DTD1: variants seen among roughly 807,000 people sequenced by gnomAD.
DTD1 encodes D-aminoacyl-tRNA deacylase 1.
A neutral mutation model predicts 25.6 loss-of-function variants in DTD1; 13 were observed. The observed-to-expected ratio is 0.51, with a 90% CI of 0.33 to 0.81. DTD1 has a LOEUF of 0.81. DTD1 is among the 30% of genes least tolerant of loss of function. DTD1 has a pLI of 0.02. For missense variants in DTD1, 193 were observed against 266.4 expected, an observed-to-expected ratio of 0.72 and a Z score of 1.92; for synonymous variants, 110 against 103.6, an observed-to-expected ratio of 1.06 and a Z score of -0.37.
intron 3 of DTD1, among the ~76,000 whole-genome samples, chr20:18,627,675 G>A (rs6081257): frequency 0.037 from 5,666 of 152,176 alleles, 168 homozygotes; most frequent in Middle Eastern, 0.099. Context: ...TTTGGATCAC[G>A]CTGATCTAGG....
chr20:18,757,793 G>C lies in DTD1; in HGVS notation c.*20-5567G>C, dbSNP rs569608521. 3.2e-3 allele frequency among the ~76,000 whole-genome samples: 495 copies of C among 152,310 alleles called. 3 individuals carry two copies. Among genetic ancestry groups the C allele is most frequent in the African/African-American group, 0.011 (477 of 41,540 alleles). On this transcript the variant is annotated intron_variant, in intron 5 of 5. Transcript: ENST00000377452. ...GGATGATGCTGGCCTCATAAAATGA[G>C]TTAGGGAGGATTCCCTCTTTTTCTA...
chr20:18,699,482 G>A (rs186672067), intron 4 of DTD1, among the ~76,000 whole-genome samples: 79 of 152,324 alleles, frequency 5.2e-4, no homozygotes, highest in Non-Finnish European at 9.1e-4. Context: ...GATGCCAGCA[G>A]GACAGTCATG....
intron 3 of DTD1, among the ~76,000 whole-genome samples, chr20:18,605,010 T>C (rs2122263037): frequency 2.5e-5 from 1 of 40,386 alleles, no homozygotes; most frequent in Non-Finnish European, 7.1e-5. Context: ...ATGACATGAT[T>C]GTATATCTAG....
intron 4 of DTD1, among the ~76,000 whole-genome samples, chr20:18,651,327 T>C (rs2060873140): frequency 6.6e-6 from 1 of 152,156 alleles, no homozygotes; most frequent in Non-Finnish European, 1.5e-5. Context: ...AATTTTTGTA[T>C]TTTTAGTAGA....
intron 4 of DTD1, among the ~76,000 whole-genome samples, chr20:18,713,847 C>T (rs940240251): frequency 1.3e-5 from 2 of 152,182 alleles, no homozygotes; most frequent in Non-Finnish European, 2.9e-5. Flanking sequence ...TCATTTTGCT[C>T]TCCTGTTGTG....
chr20:18,739,746 T>TA (rs11480174), intron 4 of DTD1, among the ~76,000 whole-genome samples: 48,585 of 150,510 alleles, frequency 0.32, 8,412 homozygotes, highest in South Asian at 0.44. Context: ...TTTGTTTCCT[T>TA]AAAAAAAAAA....
At chr20:18,591,576 C>A (rs2060589779) in intron 1 of DTD1, among the ~76,000 whole-genome samples, 1 of 151,936 alleles carries the variant, frequency 6.6e-6, no homozygotes, top group Non-Finnish European at 1.5e-5. Context: ...TGAATAGATA[C>A]AATATTAAAA....
intron 4 of DTD1, among the ~76,000 whole-genome samples, chr20:18,717,121 A>G (rs1204839984): frequency 1.3e-5 from 2 of 152,356 alleles, no homozygotes; most frequent in African/African-American, 4.8e-5. Context: ...TGCATTAAAC[A>G]CAGTGAAAAA....
chr20:18,755,587 A>C (rs1001100863), intron 5 of DTD1, among the ~76,000 whole-genome samples: 1 of 152,234 alleles, frequency 6.6e-6, no homozygotes, highest in Non-Finnish European at 1.5e-5. Context: ...GTGTCCCTAC[A>C]AAGGACATGA....
chr20:18,605,862 C>T (rs1403211215), intron 3 of DTD1, among the ~76,000 whole-genome samples: 1 of 149,830 alleles, frequency 6.7e-6, no homozygotes, highest in Admixed American at 6.7e-5. Context: ...AGGACATAGG[C>T]ATGGACAAGG....
chr20:18,628,795 A>G (rs575839519), intron 4 of DTD1, among the ~76,000 whole-genome samples: 2 of 152,320 alleles, frequency 1.3e-5, no homozygotes, highest in East Asian at 3.9e-4. Flanking sequence ...GCATACTTGT[A>G]AAGGCTTAAT....
At chr20:18,647,477 A>G (rs2060854615) in intron 4 of DTD1, among the ~76,000 whole-genome samples, 1 of 152,212 alleles carries the variant, frequency 6.6e-6, no homozygotes, top group Non-Finnish European at 1.5e-5. Context: ...CCCTGAGCAC[A>G]GAACAGATGT....
At chr20:18,718,867 G>A (rs2061192025) in intron 4 of DTD1, among the ~76,000 whole-genome samples, 1 of 152,174 alleles carries the variant, frequency 6.6e-6, no homozygotes, top group African/African-American at 2.4e-5. Flanking sequence ...CAGGGGAGTG[G>A]TAGCTCTGTC....
chr20:18,631,540 C>T, intron 4 of DTD1: 1 of 985,474 alleles, frequency 1.0e-6, no homozygotes, highest in South Asian at 4.7e-5. Context: ...TCCATTTCCT[C>T]CCTTCTGCTC....
intron 4 of DTD1, among the ~76,000 whole-genome samples, chr20:18,655,968 A>C (rs561864383): frequency 6.6e-6 from 1 of 152,072 alleles, no homozygotes; most frequent in African/African-American, 2.4e-5. Flanking sequence ...ACGGGGTTTC[A>C]CCATGTTGGC....
At chr20:18,720,848 A>G (rs1428238933) in intron 4 of DTD1, among the ~76,000 whole-genome samples, 1 of 152,148 alleles carries the variant, frequency 6.6e-6, no homozygotes, top group East Asian at 1.9e-4. Flanking sequence ...ACAGAGTGAA[A>G]CCCTGTCTCA....
intron 3 of DTD1, among the ~76,000 whole-genome samples, chr20:18,613,871 T>C (rs1014412232): frequency 6.6e-6 from 1 of 152,182 alleles, no homozygotes; most frequent in African/African-American, 2.4e-5. Context: ...TTTATGCTTG[T>C]ATGTGGGTAT....
intron 4 of DTD1, among the ~76,000 whole-genome samples, chr20:18,742,166 C>T (rs2061280853): frequency 6.6e-6 from 1 of 152,100 alleles, no homozygotes; most frequent in East Asian, 1.9e-4. Flanking sequence ...TTTGCAAATA[C>T]AAATGACACT....
At chr20:18,760,978 C>G (rs188791753) in intron 5 of DTD1, among the ~76,000 whole-genome samples, 1 of 152,300 alleles carries the variant, frequency 6.6e-6, no homozygotes, top group East Asian at 1.9e-4. Context: ...GCAATTTGAT[C>G]TCAGACTGCT....
Sources: allele counts gnomAD v4.1 joint callset (sites outside exome capture counted in the v4.1 genomes callset), GRCh38; gene constraint gnomAD v4.1.1; transcripts MANE v1.5; gene names NCBI Gene and HGNC (gene_info 2026-07-23, HGNC 2026-07-21).